The following DNAJC3 variants were observed in gnomAD, a reference collection of about 807,000 sequenced individuals.
DNAJC3 encodes dnaJ homolog subfamily C member 3.
In DNAJC3, 38 loss-of-function variants were observed where a neutral mutation model predicts 68.6. The ratio of observed to expected loss-of-function variants is 0.55; its 90% confidence interval spans 0.43 to 0.73. DNAJC3 has a LOEUF of 0.73. Among genes scored for constraint, DNAJC3 ranks in the 30% least tolerant of loss-of-function variants. DNAJC3 has a pLI of 0.00. For synonymous variants in DNAJC3, 203 were observed against 204.0 expected (o/e 1.00, Z 0.04); for missense variants, 526 against 591.9 (o/e 0.89, Z 1.16).
At chr13:95,740,419 G>A (rs1287431977) in intron 4 of DNAJC3, among the ~76,000 whole-genome samples, 18 of 152,246 alleles carry the variant, frequency 1.2e-4, no homozygotes, top group East Asian at 1.2e-3. Context: ...CCTCGCTGCC[G>A]CCTTGCAGTT....
At chr13:95,736,314 TG>T (rs1881916466) in intron 4 of DNAJC3, among the ~76,000 whole-genome samples, 1 of 152,068 alleles carries the variant, frequency 6.6e-6, no homozygotes, top group East Asian at 1.9e-4. Flanking sequence ...GGCTCTTTTT[TG>T]GTTCCATATG....
At chr13:95,712,796 G>A (rs1212798282) in intron 2 of DNAJC3, among the ~76,000 whole-genome samples, 3 of 152,086 alleles carry the variant, frequency 2.0e-5, no homozygotes, top group African/African-American at 7.2e-5. Context: ...TTATGTTATT[G>A]GGAAATTACA....
intron 4 of DNAJC3, 127 bp from the exon 5 acceptor site, chr13:95,757,517 T>C: frequency 1.0e-6 from 1 of 989,156 alleles, no homozygotes; most frequent in Non-Finnish European, 1.4e-6. Context: ...AAGCCAGTTT[T>C]TCCAGTATCT....
intron 4 of DNAJC3, among the ~76,000 whole-genome samples, chr13:95,728,536 T>C (rs1881601529): frequency 6.6e-6 from 1 of 152,238 alleles, no homozygotes; most frequent in African/African-American, 2.4e-5. Flanking sequence ...TTTTTTATTG[T>C]TGTGTTTTAA....
At chr13:95,690,583 C>G (rs1432014903) in intron 1 of DNAJC3, among the ~76,000 whole-genome samples, 2 of 148,932 alleles carry the variant, frequency 1.3e-5, no homozygotes, top group African/African-American at 4.9e-5. Context: ...CGCCCCTCAC[C>G]TCCCGGACGG....
chr13:95,784,200 C>G (rs1256743240), intron 9 of DNAJC3, among the ~76,000 whole-genome samples: 1 of 152,172 alleles, frequency 6.6e-6, no homozygotes, highest in Admixed American at 6.5e-5. Context: ...TCCCAGCAAT[C>G]TATTATTGGA....
At chr13:95,783,950 G>A (rs2139695741) in intron 9 of DNAJC3, among the ~76,000 whole-genome samples, 1 of 152,264 alleles carries the variant, frequency 6.6e-6, no homozygotes, top group Non-Finnish European at 1.5e-5. Context: ...GAAGAGGAGG[G>A]AGGGGCCAGG....
chr13:95,786,626 T>C (rs1054255745), intron 10 of DNAJC3, among the ~76,000 whole-genome samples: 1 of 152,218 alleles, frequency 6.6e-6, no homozygotes, highest in African/African-American at 2.4e-5. Flanking sequence ...TACTATTAAG[T>C]AAGCTAATGC....
intron 1 of DNAJC3, among the ~76,000 whole-genome samples, chr13:95,697,837 A>T (rs1194753575): frequency 9.7e-6 from 1 of 103,620 alleles, no homozygotes; most frequent in South Asian, 3.0e-4. Context: ...TTCATTTCCT[A>T]GATTGCTTTT....
At chr13:95,686,055 A>G (rs1880067154) in intron 1 of DNAJC3, among the ~76,000 whole-genome samples, 1 of 151,004 alleles carries the variant, frequency 6.6e-6, no homozygotes, top group South Asian at 2.1e-4. Flanking sequence ...TCCGCCTCCC[A>G]GGTTCACGCC....
chr13:95,686,001 G>T (rs560241655), intron 1 of DNAJC3, among the ~76,000 whole-genome samples: 2 of 149,918 alleles, frequency 1.3e-5, no homozygotes, highest in Non-Finnish European at 3.0e-5. Context: ...TTGCTCTGTC[G>T]CCCAGGCTGG....
In DNAJC3 at chr13:95,791,284, G is replaced by A; in HGVS notation, c.*254G>A. The A allele has an allele frequency of 4.2e-6, 2 of 480,238 alleles. No homozygotes were observed. Among genetic ancestry groups the A allele is most frequent in the Non-Finnish European group, 7.4e-6 (2 of 270,828 alleles). The allele number at this position is 480,238 out of a possible 1,614,324, so 29.7% of individuals were successfully genotyped here. Reference sequence around the variant, plus strand: ...TGCTTTATGCTGTCTGGAGGGAAGTGGTCTGAGGCAGGCTCACCCGTGGAA... The same window carrying A: ...TGCTTTATGCTGTCTGGAGGGAAGTAGTCTGAGGCAGGCTCACCCGTGGAA... On this transcript the variant is annotated 3_prime_UTR_variant, in exon 12 of 12. Coordinates refer to ENST00000602402, the MANE Select transcript of DNAJC3 (RefSeq NM_006260.5).
chr13:95,776,542 C>T (rs757848646), intron 9 of DNAJC3, among the ~76,000 whole-genome samples: 1 of 152,214 alleles, frequency 6.6e-6, no homozygotes, highest in African/African-American at 2.4e-5. Flanking sequence ...ATCGATATGA[C>T]AGATGTTTGG....
chr13:95,721,965 G>A (rs191454084), intron 2 of DNAJC3, among the ~76,000 whole-genome samples: 35 of 152,248 alleles, frequency 2.3e-4, no homozygotes, highest in Middle Eastern at 3.4e-3. Flanking sequence ...AGAACTTTTA[G>A]GGAGTTTAAT....
chr13:95,685,916 G>T, intron 1 of DNAJC3, among the ~76,000 whole-genome samples: 1 of 151,688 alleles, frequency 6.6e-6, no homozygotes, highest in Non-Finnish European at 1.5e-5. Flanking sequence ...ATGTTTGTTG[G>T]CTGCTTGTAT....
chr13:95,740,669 C>G (rs1474687780), intron 4 of DNAJC3, among the ~76,000 whole-genome samples: 1 of 152,204 alleles, frequency 6.6e-6, no homozygotes, highest in Non-Finnish European at 1.5e-5. Flanking sequence ...CCTGCTTCGG[C>G]TCGCGCACGG....
intron 1 of DNAJC3, among the ~76,000 whole-genome samples, chr13:95,705,521 T>TC (rs200619612): frequency 2.9e-5 from 4 of 140,168 alleles, no homozygotes; most frequent in Admixed American, 7.1e-5. Flanking sequence ...TCTCTCTCTC[T>TC]TTTTTTTTTT....
intron 4 of DNAJC3, among the ~76,000 whole-genome samples, chr13:95,741,056 A>T (rs1882125597): frequency 1.3e-5 from 2 of 152,058 alleles, no homozygotes; most frequent in African/African-American, 4.8e-5. Context: ...GGTATTTCAC[A>T]AATTTCTTTT....
intron 1 of DNAJC3, among the ~76,000 whole-genome samples, chr13:95,691,201 C>A (rs1213960346): frequency 6.6e-6 from 1 of 151,836 alleles, no homozygotes; most frequent in South Asian, 2.1e-4. Flanking sequence ...GGCTGACCCC[C>A]CCACCTCCCT....
Sources: gnomAD v4.1 joint callset for allele counts (sites outside exome capture counted in the v4.1 genomes callset) on GRCh38, gnomAD v4.1.1 for gene constraint, MANE v1.5 for transcripts, NCBI Gene and HGNC (gene_info 2026-07-23, HGNC 2026-07-21) for gene names.